The following CLIC5 variants were observed in gnomAD, a reference collection of about 807,000 sequenced individuals.
The protein encoded by CLIC5 is CLIC family member 5, also known as chloride intracellular channel protein 5.
A neutral mutation model predicts 24.7 loss-of-function variants in CLIC5; 20 were observed. The ratio of observed to expected loss-of-function variants is 0.81; its 90% CI spans 0.57 to 1.18. The LOEUF (loss-of-function observed/expected upper bound fraction) is 1.18, where lower values mean the gene tolerates loss of function less well. CLIC5 is among the 50% of genes most tolerant of loss of function. CLIC5 has a pLI of 0.00. For synonymous variants in CLIC5, 159 were observed against 135.6 expected (o/e 1.17, Z -1.20); for missense variants, 341 against 326.1 (o/e 1.05, Z -0.35).
Position 45,947,933 on chromosome 6 carries a change from T to G in CLIC5, c.299+1323A>C, listed in dbSNP as rs79128581. ...AGTGTGCAAATAAGCTGACTGAATA[T>G]GGATGACAAAGAATATTTTTAAGGA... is the stretch of plus-strand genomic sequence containing the variant. On this transcript the variant is annotated intron_variant, in intron 3 of 5. Coordinates refer to ENST00000339561, the MANE Select transcript of CLIC5 (RefSeq NM_016929.5). Among the ~76,000 whole-genome samples the G allele has an allele frequency of 9.0e-4, 137 of 152,314 alleles. 1 individual carries two copies. In the East Asian group the frequency reaches 0.022, roughly 24 times the overall value.
intron 1 of CLIC5, among the ~76,000 whole-genome samples, chr6:46,029,567 C>A (rs1270004428): frequency 6.6e-6 from 1 of 152,070 alleles, no homozygotes; most frequent in Non-Finnish European, 1.5e-5. Context: ...GGCTGTGGGT[C>A]ATTGAAACTG....
In CLIC5 at chr6:45,902,688, T is replaced by C; in HGVS notation, c.*400A>G. The stretch of plus-strand genomic sequence containing the variant: ...ATGAAGATGGCGTTTGTCCTTGGCC[T>C]TGTAGGTATGGACGGAGAGGAGGGT... On this transcript the variant is annotated 3_prime_UTR_variant, in exon 6 of 6. Transcript: ENST00000339561. 5.2e-6 allele frequency: 1 copy of C among 190,538 alleles called. No individual in the cohort carries two copies. The highest frequency in any genetic ancestry group is 1.1e-5 in the Non-Finnish European group (1 of 90,964). The allele number at this position is 190,538 out of a possible 1,614,324, so 11.8% of individuals were successfully genotyped here. A position where few individuals can be genotyped will look rare whatever the true frequency, so the allele number is the denominator to read the frequency against.
intron 1 of CLIC5, among the ~76,000 whole-genome samples, chr6:45,999,490 A>G (rs1429364318): frequency 6.6e-6 from 1 of 152,110 alleles, no homozygotes; most frequent in Non-Finnish European, 1.5e-5. Flanking sequence ...TATCCTGTAT[A>G]TTATGTGTGT....
intron 1 of CLIC5, among the ~76,000 whole-genome samples, chr6:45,958,426 A>ATC (rs1446502428): frequency 1.9e-5 from 1 of 52,612 alleles, no homozygotes; most frequent in Admixed American, 2.1e-4. Flanking sequence ...AGACAATTAT[A>ATC]TATATATATA....
intron 1 of CLIC5, among the ~76,000 whole-genome samples, chr6:45,987,145 T>C (rs1364967913): frequency 6.6e-6 from 1 of 152,182 alleles, no homozygotes; most frequent in Non-Finnish European, 1.5e-5. Flanking sequence ...ATTAACTTAG[T>C]TGGTATGTGG....
intron 2 of CLIC5, among the ~76,000 whole-genome samples, chr6:45,953,367 T>C (rs1291651407): frequency 1.3e-5 from 2 of 151,676 alleles, no homozygotes; most frequent in African/African-American, 4.9e-5. Flanking sequence ...TGGAGGGAGG[T>C]TGGGTTGACA....
chr6:46,060,005 A>AG (rs1333860103), intron 1 of CLIC5, among the ~76,000 whole-genome samples: 7 of 152,216 alleles, frequency 4.6e-5, no homozygotes, highest in Non-Finnish European at 7.3e-5. Flanking sequence ...GGTGAGAGAT[A>AG]GGGGTCTAGT....
chr6:46,109,423 T>C, the CLIC5 span, among the ~76,000 whole-genome samples: 141 of 145,412 alleles, frequency 9.7e-4, no homozygotes, highest in Admixed American at 8.8e-3. Context: ...CTTACGCCTA[T>C]AATCCCAGCA....
intron 1 of CLIC5, among the ~76,000 whole-genome samples, chr6:46,011,279 G>T (rs72856996): frequency 6.6e-6 from 1 of 152,224 alleles, no homozygotes; most frequent in African/African-American, 2.4e-5. Context: ...ACTTCTGACC[G>T]TGATGCCCTG....
At chr6:45,929,898 G>A (rs1001791935) in intron 4 of CLIC5, among the ~76,000 whole-genome samples, 5 of 152,180 alleles carry the variant, frequency 3.3e-5, no homozygotes, top group Admixed American at 6.5e-5. Context: ...CATCAGGCCT[G>A]TGGCAGAGCA....
At chr6:45,976,841 C>T (rs993334417) in intron 1 of CLIC5, among the ~76,000 whole-genome samples, 59 of 152,138 alleles carry the variant, frequency 3.9e-4, no homozygotes, top group African/African-American at 1.4e-3. Context: ...CAAAAGGCAG[C>T]TTGTCGGAAA....
At position 45,970,151 on chromosome 6, in the gene CLIC5, G is replaced by C. The variant is rs74491668; in HGVS notation, c.64-14907C>G. On this transcript the variant is annotated intron_variant, in intron 1 of 5. Coordinates refer to ENST00000339561, the MANE Select transcript of CLIC5 (RefSeq NM_016929.5). ...GTCCTTCTCTGCCACTGTGCAACAG[G>C]GAAATGTTTCTCCCAGCCAAGTGCC... 8.7e-4 allele frequency among the ~76,000 whole-genome samples: 133 copies of C among 152,214 alleles called. 1 individual carries two copies. In the East Asian group the frequency reaches 0.02, roughly 23 times the overall value.
intron 5 of CLIC5, chr6:45,913,836 A>G: frequency 4.1e-6 from 5 of 1,230,344 alleles, no homozygotes; most frequent in Non-Finnish European, 4.1e-6. Context: ...AAAAATGCAT[A>G]TGAGGGCACA....
At chr6:45,918,405 A>G (rs1465784251) in intron 4 of CLIC5, among the ~76,000 whole-genome samples, 2 of 152,228 alleles carry the variant, frequency 1.3e-5, no homozygotes, top group Non-Finnish European at 2.9e-5. Context: ...GCCTCCAACA[A>G]GTTCTTGCAA....
upstream of CLIC5, among the ~76,000 whole-genome samples, chr6:46,019,105 A>C (rs1484916048): frequency 1.3e-5 from 2 of 151,814 alleles, no homozygotes; most frequent in African/African-American, 4.8e-5. Context: ...GCCAACAGAT[A>C]AGCTAAAATG....
chr6:46,093,368 A>C, the CLIC5 span, among the ~76,000 whole-genome samples: 10 of 152,128 alleles, frequency 6.6e-5, no homozygotes, highest in African/African-American at 1.9e-4. Flanking sequence ...GTTGAAATGC[A>C]GATTTTTGAT....
chr6:46,029,506 T>C (rs1425226032), intron 1 of CLIC5, among the ~76,000 whole-genome samples: 1 of 152,178 alleles, frequency 6.6e-6, no homozygotes, highest in Non-Finnish European at 1.5e-5. Flanking sequence ...CCTCTGTGAC[T>C]CTCCAATGTA....
upstream of CLIC5, among the ~76,000 whole-genome samples, chr6:46,016,156 AAG>A (rs1766998909): frequency 8.9e-6 from 1 of 111,738 alleles, no homozygotes; most frequent in African/African-American, 3.5e-5. Context: ...GGGGAAGGGG[AAG>A]AGGAAGGGGA....
intron 1 of CLIC5, among the ~76,000 whole-genome samples, chr6:46,078,316 T>A (rs1483418747): frequency 3.3e-5 from 5 of 151,808 alleles, no homozygotes; most frequent in African/African-American, 1.2e-4. Context: ...GCTGAGATCA[T>A]GCCATTGCAC....
Sources: allele counts gnomAD v4.1 joint callset (sites outside exome capture counted in the v4.1 genomes callset), GRCh38; gene constraint gnomAD v4.1.1; transcripts MANE v1.5; gene names NCBI Gene and HGNC (gene_info 2026-07-23, HGNC 2026-07-21).